ROBO1: variants seen among roughly 807,000 people sequenced by gnomAD.
ROBO1 encodes the protein roundabout guidance receptor 1.
In ROBO1, 149 loss-of-function variants were observed where a neutral mutation model predicts 195.9. That is an observed-to-expected ratio of 0.76 (90% CI 0.67 to 0.87). ROBO1 has a LOEUF of 0.87. ROBO1 is among the 40% of genes least tolerant of loss of function. The pLI, the probability that ROBO1 is intolerant of heterozygous loss-of-function variation, is 0.00. For synonymous variants in ROBO1, 816 were observed against 733.2 expected (o/e 1.11, Z -1.82); for missense variants, 1,933 against 2,068.3 (o/e 0.93, Z 1.27).
At chr3:79,102,591 T>C (rs2079698258) in intron 3 of ROBO1, among the ~76,000 whole-genome samples, 1 of 151,818 alleles carries the variant, frequency 6.6e-6, no homozygotes, top group South Asian at 2.1e-4. Context: ...AAACAAAGTA[T>C]TGGAAGCATG....
chr3:79,638,814 T>A (rs1945572928), intron 1 of ROBO1, among the ~76,000 whole-genome samples: 1 of 152,204 alleles, frequency 6.6e-6, no homozygotes, highest in Non-Finnish European at 1.5e-5. Flanking sequence ...TGGTTCATTT[T>A]TCAAACTTTT....
chr3:79,383,602 T>C (rs1231496231), intron 2 of ROBO1, among the ~76,000 whole-genome samples: 1 of 152,092 alleles, frequency 6.6e-6, no homozygotes, highest in Non-Finnish European at 1.5e-5. Context: ...GCCACATTTT[T>C]TTGTTGTTCA....
rs367594691 is a variant in ROBO1 at position 78,644,138 on chromosome 3, T to C, written c.2882+2010A>G. The stretch of plus-strand genomic sequence containing the variant: ...CACGAAACATAGACACAGACACACA[T>C]ACACACACAATGACACACACATCCG... On this transcript the variant is annotated intron_variant, in intron 21 of 30. Coordinates refer to ENST00000464233, the MANE Select transcript of ROBO1 (RefSeq NM_002941.4). 9.0e-4 allele frequency among the ~76,000 whole-genome samples: 137 copies of C among 152,078 alleles called. 1 individual carries two copies. In the South Asian group the frequency reaches 0.028, roughly 31 times the overall value.
intron 2 of ROBO1, among the ~76,000 whole-genome samples, chr3:79,188,475 T>C (rs1170560351): frequency 6.6e-6 from 1 of 151,800 alleles, no homozygotes; most frequent in African/African-American, 2.4e-5. Flanking sequence ...CCTAGAACCT[T>C]TAAGATATGT....
At chr3:79,765,471 A>G (rs990767495) in intron 1 of ROBO1, among the ~76,000 whole-genome samples, 15 of 152,132 alleles carry the variant, frequency 9.9e-5, no homozygotes, top group Non-Finnish European at 2.1e-4. Flanking sequence ...CAAAATCAAC[A>G]TGATGCATGC....
intron 2 of ROBO1, among the ~76,000 whole-genome samples, chr3:79,165,412 AT>A (rs2081046709): frequency 6.6e-6 from 1 of 152,322 alleles, no homozygotes; most frequent in Non-Finnish European, 1.5e-5. Context: ...CCTGTTTGAG[AT>A]TCTTAGGAAT....
At chr3:79,148,382 C>T (rs2080697168) in intron 2 of ROBO1, among the ~76,000 whole-genome samples, 1 of 151,766 alleles carries the variant, frequency 6.6e-6, no homozygotes, top group African/African-American at 2.4e-5. Flanking sequence ...CTCATATACT[C>T]AGGAGGCTGA....
At chr3:79,356,157 A>T (rs2035546744) in intron 2 of ROBO1, among the ~76,000 whole-genome samples, 1 of 152,114 alleles carries the variant, frequency 6.6e-6, no homozygotes, top group Non-Finnish European at 1.5e-5. Flanking sequence ...CCTGGCCAAC[A>T]TGGCAAAACT....
At chr3:79,024,706 T>A (rs2078170371) in intron 3 of ROBO1, among the ~76,000 whole-genome samples, 1 of 152,164 alleles carries the variant, frequency 6.6e-6, no homozygotes, top group Non-Finnish European at 1.5e-5. Context: ...TTAATAAACA[T>A]TGTTCAGTTT....
chr3:79,719,028 T>C (rs1483273310), intron 1 of ROBO1, among the ~76,000 whole-genome samples: 1 of 151,982 alleles, frequency 6.6e-6, no homozygotes, highest in Non-Finnish European at 1.5e-5. Flanking sequence ...TCTTGCTGAG[T>C]GTGTGTGAAA....
intron 4 of ROBO1, among the ~76,000 whole-genome samples, chr3:78,802,276 A>G (rs2108581334): frequency 6.6e-6 from 1 of 152,284 alleles, no homozygotes; most frequent in African/African-American, 2.4e-5. Context: ...TCTCTTTCTG[A>G]AGAACATTCC....
chr3:78,806,452 G>A (rs539943297), intron 4 of ROBO1, among the ~76,000 whole-genome samples: 27 of 152,244 alleles, frequency 1.8e-4, no homozygotes, highest in African/African-American at 5.3e-4. Context: ...GTTTTGTGAC[G>A]GGAAAGCAGC....
intron 2 of ROBO1, among the ~76,000 whole-genome samples, chr3:79,247,034 T>G (rs2082637092): frequency 6.6e-6 from 1 of 151,838 alleles, no homozygotes; most frequent in South Asian, 2.1e-4. Context: ...AGTCTTTGGC[T>G]CATCTTATCC....
intron 1 of ROBO1, among the ~76,000 whole-genome samples, chr3:79,738,983 G>A (rs2107406753): frequency 6.6e-6 from 1 of 152,298 alleles, no homozygotes; most frequent in Non-Finnish European, 1.5e-5. Context: ...TACTGAAGAT[G>A]TCTGCAAATG....
intron 4 of ROBO1, among the ~76,000 whole-genome samples, chr3:78,896,443 A>C (rs2107422196): frequency 6.6e-6 from 1 of 152,058 alleles, no homozygotes; most frequent in Admixed American, 6.6e-5. Flanking sequence ...TGTACTTTGT[A>C]ATCTCCCCCA....
chr3:79,700,772 G>A (rs540973473), intron 1 of ROBO1, among the ~76,000 whole-genome samples: 2 of 151,650 alleles, frequency 1.3e-5, no homozygotes, highest in South Asian at 4.2e-4. Flanking sequence ...GGACATTAGA[G>A]CTTTGTCAGA....
chr3:78,654,157 A>G (rs1276677359), intron 18 of ROBO1, among the ~76,000 whole-genome samples: 1 of 152,208 alleles, frequency 6.6e-6, no homozygotes, highest in Non-Finnish European at 1.5e-5. Flanking sequence ...TTGCATCTTG[A>G]TAAGAAAACT....
chr3:79,231,112 C>T (rs2082312292), intron 2 of ROBO1, among the ~76,000 whole-genome samples: 1 of 151,900 alleles, frequency 6.6e-6, no homozygotes, highest in African/African-American at 2.4e-5. Context: ...GGAAGTATAA[C>T]AACTCTGGAA....
intron 1 of ROBO1, among the ~76,000 whole-genome samples, chr3:79,695,816 A>T (rs887104026): frequency 6.8e-6 from 1 of 147,614 alleles, no homozygotes; most frequent in Non-Finnish European, 1.5e-5. Context: ...CTGGGAATAT[A>T]AAAAAAAAGT....
Sources: gnomAD v4.1 joint callset for allele counts (sites outside exome capture counted in the v4.1 genomes callset) on GRCh38, gnomAD v4.1.1 for gene constraint, MANE v1.5 for transcripts, NCBI Gene and HGNC (gene_info 2026-07-23, HGNC 2026-07-21) for gene names.